The following RABGAP1L variants were observed in gnomAD, a reference collection of about 807,000 sequenced individuals.
The protein encoded by RABGAP1L is rab GTPase-activating protein 1-like.
A neutral mutation model predicts 137.7 loss-of-function variants in RABGAP1L; 63 were observed. That is an observed-to-expected ratio of 0.46 (90% CI 0.37 to 0.56). The LOEUF (loss-of-function observed/expected upper bound fraction) is 0.56. Among genes scored for constraint, RABGAP1L ranks in the 20% least tolerant of loss-of-function variants. The pLI, the probability that RABGAP1L is intolerant of heterozygous loss-of-function variation, is 0.00. For synonymous variants in RABGAP1L, 431 were observed against 433.7 expected (o/e 0.99, Z 0.08); for missense variants, 1,095 against 1,244.0 (o/e 0.88, Z 1.80).
At chr1:174,721,533 T>G (rs1259066570) in intron 17 of RABGAP1L, among the ~76,000 whole-genome samples, 2 of 152,224 alleles carry the variant, frequency 1.3e-5, no homozygotes, top group African/African-American at 4.8e-5. Context: ...CAGATGCATA[T>G]TTTAATAACT....
intron 15 of RABGAP1L, among the ~76,000 whole-genome samples, chr1:174,690,348 C>T (rs1259638406): frequency 6.6e-6 from 1 of 152,092 alleles, no homozygotes; most frequent in African/African-American, 2.4e-5. Flanking sequence ...AAAAATAATG[C>T]AGTTATGAGA....
intron 13 of RABGAP1L, among the ~76,000 whole-genome samples, chr1:174,463,708 G>GA (rs1229152092): frequency 2.6e-5 from 4 of 151,410 alleles, no homozygotes; most frequent in Admixed American, 6.6e-5. Flanking sequence ...ACAAAGATAT[G>GA]AAAAAAATAA....
intron 19 of RABGAP1L, among the ~76,000 whole-genome samples, chr1:174,911,817 T>C (rs1660098279): frequency 6.6e-6 from 1 of 152,216 alleles, no homozygotes; most frequent in South Asian, 2.1e-4. Context: ...TTCTAAACTC[T>C]TCTCAGAGTT....
At chr1:174,924,540 C>T (rs143129697) in intron 19 of RABGAP1L, among the ~76,000 whole-genome samples, 3 of 152,228 alleles carry the variant, frequency 2.0e-5, no homozygotes, top group Admixed American at 6.5e-5. Context: ...CTTCCTACTT[C>T]GCAGAGCATT....
chr1:174,420,677 G>GTTTT (rs67587872), intron 13 of RABGAP1L, among the ~76,000 whole-genome samples: 3 of 133,990 alleles, frequency 2.2e-5, no homozygotes, highest in African/African-American at 8.3e-5. Context: ...TGGGTGTTTT[G>GTTTT]TTTTTTTTTT....
At position 174,947,929 on chromosome 1, in the gene RABGAP1L, A is replaced by G. The variant is rs531855586; in HGVS notation, c.2341-9528A>G. 5.3e-5 allele frequency among the ~76,000 whole-genome samples: 8 copies of G among 152,358 alleles called. 1 individual carries two copies. In the South Asian group the frequency reaches 1.7e-3, roughly 32 times the overall value. On this transcript the variant is annotated intron_variant, in intron 19 of 25. Transcript: ENST00000681986. Reference sequence around the variant, plus strand: ...ACAAATTTCTTCTCTCCTAAAATTTATGTATAAATTGGTTGTTTGAAACTC... The same window carrying G: ...ACAAATTTCTTCTCTCCTAAAATTTGTGTATAAATTGGTTGTTTGAAACTC...
chr1:174,903,066 A>AT (rs1010301751), intron 19 of RABGAP1L, among the ~76,000 whole-genome samples: 2 of 152,080 alleles, frequency 1.3e-5, no homozygotes, highest in Non-Finnish European at 2.9e-5. Context: ...AGCAGCTGTA[A>AT]TTTTTTTTCC....
rs543198844 is a variant in RABGAP1L, at chr1:174,342,914, T to G, written c.1466-28065T>G. Among the ~76,000 whole-genome samples the G allele has an allele frequency of 6.6e-5, 10 of 152,268 alleles. No homozygotes were observed. In the South Asian group the frequency reaches 1.9e-3, roughly 28 times the overall value. On this transcript the variant is annotated intron_variant, in intron 11 of 25. Coordinates refer to ENST00000681986, the MANE Select transcript of RABGAP1L (RefSeq NM_001366446.1). ...CCACCATGCCCAGCTAATTTTTGTA[T>G]TTTTAGTAGAGACAGGGTTTCACCA...
At chr1:174,510,666 C>T (rs1662247681) in intron 13 of RABGAP1L, among the ~76,000 whole-genome samples, 1 of 152,098 alleles carries the variant, frequency 6.6e-6, no homozygotes, top group Non-Finnish European at 1.5e-5. Context: ...TTGTCATTTA[C>T]ATAGTATAAA....
chr1:174,162,783 T>G (rs28734938), intron 1 of RABGAP1L, among the ~76,000 whole-genome samples: 1 of 72,158 alleles, frequency 1.4e-5, no homozygotes, highest in Non-Finnish European at 2.8e-5. Flanking sequence ...TTCTGTTTTT[T>G]TTTTTTTTTT....
chr1:174,886,863 A>G (rs1271494212), intron 19 of RABGAP1L, among the ~76,000 whole-genome samples: 5 of 151,414 alleles, frequency 3.3e-5, no homozygotes, highest in African/African-American at 4.9e-5. Context: ...CTGGCGTGCA[A>G]TGGCGCAATC....
At chr1:174,170,235 T>C (rs1557998669) in intron 1 of RABGAP1L, among the ~76,000 whole-genome samples, 2 of 152,306 alleles carry the variant, frequency 1.3e-5, no homozygotes, top group South Asian at 4.1e-4. Context: ...CATGAGCTAA[T>C]ATTGAGTGTT....
At chr1:174,787,402 C>CAAA (rs35930436) in intron 18 of RABGAP1L, among the ~76,000 whole-genome samples, 1 of 119,904 alleles carries the variant, frequency 8.3e-6, no homozygotes, top group African/African-American at 3.3e-5. Flanking sequence ...GACTCTGTGT[C>CAAA]AAAAAAAAAA....
At chr1:174,793,525 G>A (rs189310701) in intron 18 of RABGAP1L, among the ~76,000 whole-genome samples, 9 of 152,254 alleles carry the variant, frequency 5.9e-5, no homozygotes, top group Admixed American at 4.6e-4. Flanking sequence ...CGATGTTTGA[G>A]TTCCAACTAT....
intron 10 of RABGAP1L, among the ~76,000 whole-genome samples, chr1:174,286,089 T>C (rs985319885): frequency 1.3e-5 from 2 of 152,200 alleles, no homozygotes; most frequent in Non-Finnish European, 2.9e-5. Flanking sequence ...GCTGGCCCCA[T>C]GAAATGAGTT....
At chr1:174,861,575 T>A (rs1020383021) in intron 19 of RABGAP1L, among the ~76,000 whole-genome samples, 8 of 152,180 alleles carry the variant, frequency 5.3e-5, no homozygotes, top group African/African-American at 1.2e-4. Flanking sequence ...CCACCAAAAG[T>A]GTATAAAAGT....
chr1:174,616,941 C>G (rs2148246131), intron 13 of RABGAP1L, among the ~76,000 whole-genome samples: 1 of 152,120 alleles, frequency 6.6e-6, no homozygotes. Context: ...AATAAAGATC[C>G]AGGAGAGATA....
At chr1:174,573,299 A>G (rs573044720) in intron 13 of RABGAP1L, among the ~76,000 whole-genome samples, 39 of 150,926 alleles carry the variant, frequency 2.6e-4, no homozygotes, top group Admixed American at 1.3e-3. Flanking sequence ...GTATGTGTGT[A>G]TATATATATA....
At chr1:174,676,035 A>G (rs1262618011) in intron 14 of RABGAP1L, among the ~76,000 whole-genome samples, 2 of 152,158 alleles carry the variant, frequency 1.3e-5, no homozygotes, top group African/African-American at 4.8e-5. Flanking sequence ...ACTTACACAA[A>G]TACTACCTTG....
Sources: gnomAD v4.1 joint callset for allele counts (sites outside exome capture counted in the v4.1 genomes callset) on GRCh38, gnomAD v4.1.1 for gene constraint, MANE v1.5 for transcripts, NCBI Gene and HGNC (gene_info 2026-07-23, HGNC 2026-07-21) for gene names.